The following S1PR5 variants were observed in gnomAD, a reference collection of about 807,000 sequenced individuals.
S1PR5 encodes sphingosine-1-phosphate receptor 5, also known as sphingosine 1-phosphate receptor 5.
For missense variants in S1PR5, 583 were observed against 571.7 expected (o/e 1.02, Z -0.20); for synonymous variants, 307 against 284.7 (o/e 1.08, Z -0.79).
chr19:10,514,021 C>G lies in S1PR5; in HGVS notation c.991G>C (p.Asp331His). 1 of 1,609,884 alleles carries G rather than the reference C, an allele frequency of 6.2e-7. No homozygotes were observed. Among genetic ancestry groups the G allele is most frequent in the Admixed American group, 1.7e-5 (1 of 59,802 alleles). The change falls in exon 2 of 2, where the codon GAC (aspartate) becomes CAC (histidine). Residue 331 changes from aspartate (D) to histidine (H), a missense_variant. Physicochemically the swap from Asp to His is moderately conservative, Grantham distance 81. Transcript: ENST00000333430. The stretch of plus-strand genomic sequence containing the variant: ...GCCGACTGCTGGGAGCCACTCGGGT[C>G]TCTGCCGCAGGAGTGGCGTCCGCAG... ...VCCGRHSCGRDPSGSQQSASA... is the reference protein window; with the variant it reads ...VCCGRHSCGRHPSGSQQSASA...
rs756455769 is a variant in S1PR5 at position 10,514,121 on chromosome 19, G to A, written c.891C>T (p.Ala297=). 6.2e-7 allele frequency: 1 copy of A among 1,612,882 alleles called. No homozygotes were observed. Among genetic ancestry groups the A allele is most frequent in the South Asian group, 1.1e-5 (1 of 91,072 alleles). ...AGATGATGGGGTTCAGAAGTGAGTT[G>A]GCCATGGCCAGTCCCAGGAAGGGAT... The part of the protein sequence containing the change: ...QADPFLGLAM[A]NSLLNPIIYT... The change falls in exon 2 of 2, where the codon GCC becomes GCT. Residue 297 remains alanine (A), a synonymous_variant. Transcript: ENST00000333430.
At chr19:10,516,501 A>G (rs1403744977) in intron 1 of S1PR5, among the ~76,000 whole-genome samples, 3 of 151,216 alleles carry the variant, frequency 2.0e-5, no homozygotes, top group Admixed American at 6.7e-5. Context: ...CAGCTACTCA[A>G]GAGACTGAGG....
chr19:10,515,238 A>C (rs1568407030), intron 1 of S1PR5, among the ~76,000 whole-genome samples: 6 of 152,218 alleles, frequency 3.9e-5, no homozygotes, highest in Admixed American at 2.0e-4. Context: ...ACATAGTCCC[A>C]AAAAAAGGGA....
chr19:10,517,802 C>A (rs1425504471), upstream of S1PR5: 2 of 638,652 alleles, frequency 3.1e-6, no homozygotes, highest in Non-Finnish European at 3.9e-6. Context: ...CCGGGCACTG[C>A]GCCCTCCCAT....
In S1PR5 at chr19:10,513,413, A is replaced by G. The variant is rs1915332450; in HGVS notation, c.*402T>C. The G allele has an allele frequency of 2.2e-6, 1 of 460,534 alleles. No homozygotes were observed. Among genetic ancestry groups the G allele is most frequent in the South Asian group, 5.2e-5 (1 of 19,282 alleles). 28.5% of individuals were successfully genotyped at this position (460,534 alleles called of 1,614,324 possible). On this transcript the variant is annotated 3_prime_UTR_variant, in exon 2 of 2. Transcript: ENST00000333430. ...CACCAGCATCGCTGCATTTCTTAGA[A>G]CACATGGGCACATTTCAGCCTCAGG...
At position 10,514,513 on chromosome 19, in the gene S1PR5, G is replaced by T; in HGVS notation, c.499C>A (p.Leu167Ile). Reference protein sequence around the residue: ...AAWGVSLLLGLLPALGWNCLG... With the variant: ...AAWGVSLLLGILPALGWNCLG... The stretch of plus-strand genomic sequence containing the variant: ...CAATTCCAGCCCAGCGCTGGCAGGA[G>T]CCCGAGGAGCAGCGACACGCCCCAG... The change falls in exon 2 of 2, where the codon CTC (leucine) becomes ATC (isoleucine). Residue 167 changes from leucine to isoleucine, a missense_variant. Physicochemically the swap from Leu to Ile is conservative, Grantham distance 5. Coordinates refer to ENST00000333430, the MANE Select transcript of S1PR5 (RefSeq NM_030760.5). 1 of 1,596,818 alleles carries T rather than the reference G, an allele frequency of 6.3e-7. No individual in the cohort carries two copies. Among genetic ancestry groups the T allele is most frequent in the Non-Finnish European group, 8.5e-7 (1 of 1,172,872 alleles).
At chr19:10,517,536 C>T (rs528782049), upstream of S1PR5, 13 of 985,444 alleles carry the variant, frequency 1.3e-5, no homozygotes, top group East Asian at 8.0e-4. Context: ...CCAGCAGTTG[C>T]CCCCTCCCCT....
At chr19:10,516,579 C>G (rs1915442887) in intron 1 of S1PR5, among the ~76,000 whole-genome samples, 1 of 142,944 alleles carries the variant, frequency 7.0e-6, no homozygotes. Flanking sequence ...TGCTCTCCAG[C>G]CTGGGTGACA....
In S1PR5 at chr19:10,513,512, C is replaced by A; in HGVS notation, c.*303G>T. 1.8e-6 allele frequency: 1 copy of A among 558,646 alleles called. No individual in the cohort carries two copies. Among genetic ancestry groups the A allele is most frequent in the Non-Finnish European group, 3.1e-6 (1 of 320,510 alleles). The allele number at this position is 558,646 out of a possible 1,614,324, so 34.6% of individuals were successfully genotyped here. ...TTCCCAGGACAGAGGTCTCAGCTCA[C>A]ATCACAAGTCACTACCTCTGCAGAG... On this transcript the variant is annotated 3_prime_UTR_variant, in exon 2 of 2. Transcript: ENST00000333430.
rs774368226 is a variant in S1PR5, at chr19:10,514,472, G to A, written c.540C>T (p.Asp180=). 2.5e-6 allele frequency: 4 copies of A among 1,607,504 alleles called. No homozygotes were observed. The African/African-American group carries it at 4.0e-5, about 16-fold the overall frequency. The part of the protein sequence containing the change: ...ALGWNCLGRL[D]ACSTVLPLYA... ...AGAGCGGCAAGACAGTGGAGCAAGC[G>A]TCCAGGCGACCCAGGCAATTCCAGC... The change falls in exon 2 of 2, where the codon GAC becomes GAT. Residue 180 remains aspartate, a synonymous_variant. Transcript: ENST00000333430.
Position 10,513,964 on chromosome 19 carries a change from G to T in S1PR5, c.1048C>A (p.Arg350Ser). Reference sequence around the variant, plus strand: ...CCATCAAGGCCCGGGGGCAGGCAGCGGCGCAGGCCCCCGGAAGCCTCAGCC... The same window carrying T: ...CCATCAAGGCCCGGGGGCAGGCAGCTGCGCAGGCCCCCGGAAGCCTCAGCC... The part of the protein sequence containing the change: ...SAAEASGGLR[R>S]CLPPGLDGSF... Residue 350 changes from arginine (R) to serine (S), a missense_variant, in exon 2 of 2, where the codon CGC becomes AGC. Arg to Ser is a moderately radical substitution (Grantham distance 110). Transcript: ENST00000333430. The T allele has an allele frequency of 6.3e-7, 1 of 1,598,108 alleles. No individual in the cohort carries two copies. The highest frequency in any genetic ancestry group is 1.3e-5 in the African/African-American group (1 of 74,502).
chr19:10,516,655 A>G (rs1282763747), intron 1 of S1PR5, among the ~76,000 whole-genome samples: 2 of 151,462 alleles, frequency 1.3e-5, no homozygotes, highest in Admixed American at 1.3e-4. Flanking sequence ...TCATTTTACT[A>G]AGGCAGAGCC....
At chr19:10,516,711 G>T (rs1915447044) in intron 1 of S1PR5, among the ~76,000 whole-genome samples, 7 of 151,768 alleles carry the variant, frequency 4.6e-5, no homozygotes, top group Admixed American at 4.6e-4. Context: ...GACTCTTACA[G>T]AGGGGCACAC....
rs911467769 is a variant in S1PR5 at position 10,514,325 on chromosome 19, C to T, written c.687G>A (p.Arg229=). Reference sequence around the variant, plus strand: ...TCGAGGTGGTCCCCGCAGTCCCGGGCCGTGCCGGCAGGCGCCGCGCGTTGG... The same window carrying T: ...TCGAGGTGGTCCCCGCAGTCCCGGGTCGTGCCGGCAGGCGCCGCGCGTTGG... The part of the protein sequence containing the change: ...VRANARRLPA[R]PGTAGTTSTR... Residue 229 remains arginine (R), a synonymous_variant, in exon 2 of 2, where the codon CGG becomes CGA. Transcript: ENST00000333430. 1 of 1,568,110 alleles carries T rather than the reference C, an allele frequency of 6.4e-7. No individual in the cohort carries two copies.
chr19:10,517,500 C>T, upstream of S1PR5: 1 of 985,600 alleles, frequency 1.0e-6, no homozygotes, highest in Non-Finnish European at 1.2e-6. Flanking sequence ...AGGGGGCGGG[C>T]CAGCGACGCA....
chr19:10,516,670 G>A (rs1221490138), intron 1 of S1PR5, among the ~76,000 whole-genome samples: 1 of 151,284 alleles, frequency 6.6e-6, no homozygotes, highest in Non-Finnish European at 1.5e-5. Context: ...AGAGCCTGAG[G>A]ACAGGAGAGA....
In S1PR5 at chr19:10,514,431, AC is replaced by A. The variant is rs1223808356; in HGVS notation, c.580del (p.Val194CysfsTer108). On this transcript the variant is annotated frameshift_variant, in exon 2 of 2. Coordinates refer to ENST00000333430, the MANE Select transcript of S1PR5 (RefSeq NM_030760.5). LOFTEE classifies it low-confidence loss of function (END_TRUNC). ...TVLPLYAKAY[V>X]LFCVLAFVGI... ...CACGAAGGCGAGCACGCAGAAGAGC[AC>A]GTAGGCCTTGGCGTAGAGCGGCAAG... is the stretch of plus-strand genomic sequence containing the variant. 8.7e-6 allele frequency: 14 copies of A among 1,609,888 alleles called. No homozygotes were observed. Among genetic ancestry groups the A allele is most frequent in the Non-Finnish European group, 1.1e-5 (13 of 1,178,598 alleles).
Position 10,514,583 on chromosome 19 carries a change from C to T in S1PR5, c.429G>A (p.Ala143=), listed in dbSNP as rs1445236954. The T allele has an allele frequency of 1.1e-5, 18 of 1,576,170 alleles. No individual in the cohort carries two copies. The Admixed American group carries it at 3.3e-4, about 29-fold the overall frequency. Residue 143 remains alanine, a synonymous_variant, in exon 2 of 2, where the codon GCG becomes GCA. Transcript: ENST00000333430. ...GCGTGCGCCCCCGACTGGAGACGGG[C>T]GCGGGCCCCCTGCGCGCCATGGTGA... ...RSLTMARRGP[A]PVSSRGRTLA...
chr19:10,517,468 G>T, upstream of S1PR5: 2 of 985,632 alleles, frequency 2.0e-6, no homozygotes, highest in Non-Finnish European at 2.4e-6. Context: ...CGCTCCGGGG[G>T]CGGGGCTGGA....
Sources: allele counts gnomAD v4.1 joint callset (sites outside exome capture counted in the v4.1 genomes callset), GRCh38; gene constraint gnomAD v4.1.1; transcripts MANE v1.5; gene names NCBI Gene and HGNC (gene_info 2026-07-23, HGNC 2026-07-21).